MPP7: variants seen among roughly 807,000 people sequenced by gnomAD.
MPP7 encodes MAGUK p55 subfamily member 7.
In MPP7, 60 loss-of-function variants were observed where a neutral mutation model predicts 76.5. The ratio of observed to expected loss-of-function variants is 0.78; its 90% CI spans 0.64 to 0.97. The LOEUF is 0.97. Among genes scored for constraint, MPP7 ranks in the 50% least tolerant of loss-of-function variants. The pLI is 0.00. For missense variants in MPP7, 641 were observed against 694.0 expected, an observed-to-expected ratio of 0.92 and a Z score of 0.86; for synonymous variants, 237 against 244.5, an observed-to-expected ratio of 0.97 and a Z score of 0.29.
chr10:28,165,164 T>C (rs1006290379), intron 3 of MPP7, among the ~76,000 whole-genome samples: 1 of 152,110 alleles, frequency 6.6e-6, no homozygotes, highest in African/African-American at 2.4e-5. Flanking sequence ...GATGTCTGCA[T>C]CCAAATCGCC....
intron 3 of MPP7, among the ~76,000 whole-genome samples, chr10:28,187,372 T>C (rs1430682248): frequency 6.6e-6 from 1 of 152,198 alleles, no homozygotes; most frequent in Non-Finnish European, 1.5e-5. Flanking sequence ...AAATGTAAAC[T>C]ATAACGTAAG....
At chr10:28,309,276 T>C (rs1841275754) in intron 2 of MPP7, among the ~76,000 whole-genome samples, 1 of 152,024 alleles carries the variant, frequency 6.6e-6, no homozygotes, top group African/African-American at 2.4e-5. Flanking sequence ...TAGCTGAGCG[T>C]GGTGGCAGGT....
At chr10:28,250,146 AT>A (rs1164745015) in intron 1 of MPP7, among the ~76,000 whole-genome samples, 2 of 152,038 alleles carry the variant, frequency 1.3e-5, no homozygotes, top group African/African-American at 4.8e-5. Flanking sequence ...AACTTTCCTG[AT>A]TTTATTTCCC....
intron 11 of MPP7, among the ~76,000 whole-genome samples, chr10:28,094,815 T>C (rs1448651886): frequency 2.0e-5 from 3 of 152,170 alleles, no homozygotes; most frequent in Admixed American, 6.5e-5. Context: ...AATAGCCAGA[T>C]GTGGTGGCAC....
At chr10:28,244,113 T>C (rs1279408674) in intron 1 of MPP7, among the ~76,000 whole-genome samples, 5 of 152,132 alleles carry the variant, frequency 3.3e-5, no homozygotes, top group Non-Finnish European at 5.9e-5. Flanking sequence ...GGTACATGAG[T>C]ATGACTGTGT....
intron 5 of MPP7, among the ~76,000 whole-genome samples, chr10:28,146,525 C>G (rs1227875871): frequency 6.6e-6 from 1 of 151,938 alleles, no homozygotes; most frequent in Non-Finnish European, 1.5e-5. Context: ...CCTCAGCCTC[C>G]CGAGTAGCTG....
chr10:28,149,912 C>G (rs1238272677), intron 4 of MPP7, 70 bp downstream of exon 4: 46 of 1,091,834 alleles, frequency 4.2e-5, no homozygotes, highest in Non-Finnish European at 5.8e-5. Context: ...TCTGTCTGCA[C>G]TAGGACAGGT....
rs557907445 is a variant in MPP7, at chr10:28,081,824, C to G, written c.1123+7847G>C. 6.0e-5 allele frequency among the ~76,000 whole-genome samples: 9 copies of G among 150,900 alleles called. No homozygotes were observed. In the South Asian group the frequency reaches 1.9e-3, roughly 32 times the overall value. On this transcript the variant is annotated intron_variant, in intron 12 of 16. Coordinates refer to ENST00000683449, the MANE Select transcript of MPP7 (RefSeq NM_001318170.2). Reference sequence around the variant, plus strand: ...CTGTCACTCAGTGGCACAGTCTCGGCTCAGTGCAACCTCCAACTCCCAGGT... The same window carrying G: ...CTGTCACTCAGTGGCACAGTCTCGGGTCAGTGCAACCTCCAACTCCCAGGT...
intron 6 of MPP7, among the ~76,000 whole-genome samples, chr10:28,130,811 T>C (rs1310892695): frequency 1.3e-5 from 2 of 152,194 alleles, no homozygotes; most frequent in Non-Finnish European, 2.9e-5. Context: ...ATAATCTTAC[T>C]TTACCTTAAC....
rs547659823 is a variant in MPP7, at chr10:28,077,329, TAGGTCATCATCTTCAA to T, written c.1124-7493_1124-7478del. Among the ~76,000 whole-genome samples, 343 of 152,312 alleles carry T rather than the reference TAGGTCATCATCTTCAA, an allele frequency of 2.3e-3. 1 individual carries two copies. Among genetic ancestry groups the T allele is most frequent in the African/African-American group, 7.8e-3 (324 of 41,574 alleles). Reference sequence around the variant, plus strand: ...AAATTTTCCCTAAATTAGGTTATTCTAGGTCATCATCTTCAAAGGTAGAAGTATCCTCCCAAGAAAG... The same window carrying T: ...AAATTTTCCCTAAATTAGGTTATTCTAGGTAGAAGTATCCTCCCAAGAAAG... On this transcript the variant is annotated intron_variant, in intron 12 of 16. Coordinates refer to ENST00000683449, the MANE Select transcript of MPP7 (RefSeq NM_001318170.2).
intron 1 of MPP7, among the ~76,000 whole-genome samples, chr10:28,285,640 T>C (rs1335571303): frequency 2.0e-5 from 3 of 152,214 alleles, no homozygotes; most frequent in African/African-American, 4.8e-5. Context: ...TGGTTATCAA[T>C]GGTCATGAAC....
rs143617063 is a variant in MPP7, at chr10:28,064,978, A to G, written c.1204+4794T>C. The stretch of plus-strand genomic sequence containing the variant: ...ATTAATATCCAAAAACATGAGATAT[A>G]TTAAAATTAGTATAATGCCCTGCTT... On this transcript the variant is annotated intron_variant, in intron 13 of 16. Coordinates refer to ENST00000683449, the MANE Select transcript of MPP7 (RefSeq NM_001318170.2). 1.4e-3 allele frequency among the ~76,000 whole-genome samples: 217 copies of G among 152,370 alleles called. 2 individuals carry two copies. The highest frequency in any genetic ancestry group is 6.8e-3 in the Middle Eastern group (2 of 294).
chr10:28,303,187 C>CG (rs1554868973), upstream of MPP7: 1 of 152,148 alleles, frequency 6.6e-6, no homozygotes, highest in Non-Finnish European at 1.5e-5. Flanking sequence ...GACTTGAAGA[C>CG]GCCTCTCCAG....
At position 28,059,750 on chromosome 10, in the gene MPP7, T is replaced by C; in HGVS notation, c.1205-7A>G. 1.2e-6 allele frequency: 2 copies of C among 1,601,698 alleles called. No individual in the cohort carries two copies. The highest frequency in any genetic ancestry group is 8.5e-7 in the Non-Finnish European group (1 of 1,170,164). ...CTTCTTGCTCTGGTGGTATCTATGATTTAATGAAAAGGAGTTTAGAAAAGC... is the reference window on the plus strand; with the variant it reads ...CTTCTTGCTCTGGTGGTATCTATGACTTAATGAAAAGGAGTTTAGAAAAGC... On this transcript the variant is annotated splice_polypyrimidine_tract_variant and splice_region_variant and intron_variant, in intron 13 of 16. Coordinates refer to ENST00000683449, the MANE Select transcript of MPP7 (RefSeq NM_001318170.2).
At position 28,202,190 on chromosome 10, in the gene MPP7, T is replaced by G; in HGVS notation, c.119A>C (p.Asp40Ala). 2 of 1,613,696 alleles carry G rather than the reference T, an allele frequency of 1.2e-6. No homozygotes were observed. Among genetic ancestry groups the G allele is most frequent in the Non-Finnish European group, 8.5e-7 (1 of 1,179,690 alleles). Residue 40 changes from aspartate to alanine, a missense_variant, in exon 3 of 17, where the codon GAT becomes GCT. By Grantham distance (126) the Asp-to-Ala change is moderately radical (BLOSUM62 -2). Transcript: ENST00000683449. Reference sequence around the variant, plus strand: ...ATGCAGGCTTTTTTCACCAAACATATCCCAGAGGAAGGTCAGGTCTTCCTG... The same window carrying G: ...ATGCAGGCTTTTTTCACCAAACATAGCCCAGAGGAAGGTCAGGTCTTCCTG... ...DSQEDLTFLW[D>A]MFGEKSLHSL...
chr10:28,143,059 T>C (rs1165194788), intron 5 of MPP7, among the ~76,000 whole-genome samples: 1 of 152,058 alleles, frequency 6.6e-6, no homozygotes, highest in Non-Finnish European at 1.5e-5. Context: ...ATAGGTAATT[T>C]TGTTGACACA....
chr10:28,245,891 GA>G (rs60004697), intron 1 of MPP7, among the ~76,000 whole-genome samples: 21 of 146,916 alleles, frequency 1.4e-4, no homozygotes, highest in South Asian at 1.1e-3. Context: ...TGATCAAGCA[GA>G]AAAAAAAAAT....
At chr10:28,237,857 C>G (rs1839128988) in intron 2 of MPP7, among the ~76,000 whole-genome samples, 1 of 152,180 alleles carries the variant, frequency 6.6e-6, no homozygotes, top group African/African-American at 2.4e-5. Context: ...GGATTTTACA[C>G]TTTGAAAAAG....
chr10:28,145,700 A>C (rs772879216), intron 5 of MPP7, among the ~76,000 whole-genome samples: 1 of 152,204 alleles, frequency 6.6e-6, no homozygotes, highest in Non-Finnish European at 1.5e-5. Flanking sequence ...TGTATCCTGG[A>C]ATATTACCTA....
Sources: allele counts gnomAD v4.1 joint callset (sites outside exome capture counted in the v4.1 genomes callset), GRCh38; gene constraint gnomAD v4.1.1; transcripts MANE v1.5; gene names NCBI Gene and HGNC (gene_info 2026-07-23, HGNC 2026-07-21).